RYR3: variants seen among roughly 807,000 people sequenced by gnomAD.
The protein encoded by RYR3 is brain ryanodine receptor-calcium release channel.
Under a neutral mutation model 584.3 loss-of-function variants are expected in RYR3, and 207 were observed. The ratio of observed to expected loss-of-function variants is 0.35; its 90% CI spans 0.32 to 0.40. The LOEUF is 0.40. Ranked by LOEUF, RYR3 falls within the 10% of genes least tolerant of loss-of-function variation. RYR3 has a pLI of 1.00. For synonymous variants in RYR3, 2,416 were observed against 2,248.5 expected (o/e 1.07, Z -2.11); for missense variants, 5,616 against 6,089.2 (o/e 0.92, Z 2.59).
At chr15:33,654,643 T>A (rs890989412) in intron 32 of RYR3, among the ~76,000 whole-genome samples, 48 of 152,074 alleles carry the variant, frequency 3.2e-4, no homozygotes, top group African/African-American at 1.1e-3. Flanking sequence ...ATAGGGCTCT[T>A]ATGGTTATTG....
rs1596205665 is a variant in RYR3, at chr15:33,696,450, G to C, written c.6093G>C (p.Arg2031Ser). 6.2e-7 allele frequency: 1 copy of C among 1,614,006 alleles called. No individual in the cohort carries two copies. The change falls in exon 39 of 104, where the codon AGG becomes AGC. Residue 2031 changes from arginine to serine, a missense_variant. Arg to Ser is a moderately radical substitution (Grantham distance 110). Transcript: ENST00000634891. ...AAATCCGCTCCCTCCTCAGTGTCAG[G>C]ATGGGCAAGGAAGAGGAGTTGCTCA... Reference protein sequence around the residue: ...LGQIRSLLSVRMGKEEELLMI... With the variant: ...LGQIRSLLSVSMGKEEELLMI...
At chr15:33,735,631 C>T (rs543880033) in intron 48 of RYR3, among the ~76,000 whole-genome samples, 1 of 152,192 alleles carries the variant, frequency 6.6e-6, no homozygotes, top group Admixed American at 6.5e-5. Flanking sequence ...TCTCTCCTTT[C>T]TCTACCTCAA....
At chr15:33,660,152 A>G (rs1238799315) in intron 33 of RYR3, 45 bp from the exon 34 acceptor site, 2 of 1,366,360 alleles carry the variant, frequency 1.5e-6, no homozygotes, top group Admixed American at 4.0e-5. Context: ...TGCGTCATCC[A>G]GCAACTGTGT....
chr15:33,613,765 C>G (rs1030749582), intron 19 of RYR3, among the ~76,000 whole-genome samples: 2 of 152,160 alleles, frequency 1.3e-5, no homozygotes, highest in Non-Finnish European at 2.9e-5. Context: ...TTTTTCAAGT[C>G]CTTTCTTCTA....
At chr15:33,781,860 G>C (rs1390073092) in intron 65 of RYR3, among the ~76,000 whole-genome samples, 7 of 124,760 alleles carry the variant, frequency 5.6e-5, no homozygotes, top group Non-Finnish European at 9.9e-5. Flanking sequence ...AAAAAAAAAA[G>C]GGGGGGGGGA....
chr15:33,798,677 T>C (rs1420169323), intron 67 of RYR3, among the ~76,000 whole-genome samples: 1 of 152,196 alleles, frequency 6.6e-6, no homozygotes, highest in African/African-American at 2.4e-5. Context: ...CAGGGCATAG[T>C]TCCACCCTGA....
At chr15:33,339,215 T>G (rs551674269) in intron 1 of RYR3, among the ~76,000 whole-genome samples, 1 of 152,340 alleles carries the variant, frequency 6.6e-6, no homozygotes, top group South Asian at 2.1e-4. Context: ...TGGAGAGGTG[T>G]GGCTGCTACT....
At chr15:33,348,604 T>A (rs546498206) in intron 1 of RYR3, among the ~76,000 whole-genome samples, 1 of 152,258 alleles carries the variant, frequency 6.6e-6, no homozygotes, top group East Asian at 1.9e-4. Flanking sequence ...GCTTCCTGAG[T>A]AGCTGGGACT....
intron 85 of RYR3, among the ~76,000 whole-genome samples, chr15:33,829,077 A>G (rs915928004): frequency 6.6e-6 from 1 of 152,140 alleles, no homozygotes; most frequent in African/African-American, 2.4e-5. Flanking sequence ...TACTCTGCCC[A>G]TGCTCTATGT....
chr15:33,351,531 T>C (rs1973254690), intron 1 of RYR3, among the ~76,000 whole-genome samples: 1 of 151,064 alleles, frequency 6.6e-6, no homozygotes, highest in Non-Finnish European at 1.5e-5. Context: ...GCAAACCGAA[T>C]CCAGCAGCAC....
At chr15:33,378,756 G>C (rs912983122) in intron 1 of RYR3, among the ~76,000 whole-genome samples, 8 of 152,206 alleles carry the variant, frequency 5.3e-5, no homozygotes, top group Middle Eastern at 3.2e-3. Flanking sequence ...TTGAGGCCAG[G>C]AGTTCAAGAC....
rs188697264 is a variant in RYR3, at chr15:33,387,228, C to A, written c.51+76132C>A. On this transcript the variant is annotated intron_variant, in intron 1 of 103. Transcript: ENST00000634891. ...TACTATGTTTTGTTTATTCACTAAT[C>A]CACTGATGGACAATTGGGTTGCTTC... 1.6e-3 allele frequency among the ~76,000 whole-genome samples: 243 copies of A among 152,242 alleles called. 1 individual carries two copies. Among genetic ancestry groups the A allele is most frequent in the African/African-American group, 5.4e-3 (226 of 41,546 alleles).
At chr15:33,503,823 T>C (rs1358944533) in intron 3 of RYR3, 85 bp downstream of exon 3, 2 of 787,758 alleles carry the variant, frequency 2.5e-6, no homozygotes, top group Non-Finnish European at 4.3e-6. Flanking sequence ...AACTTTGAAC[T>C]GAAAAATTTT....
At chr15:33,725,976 C>CCGCCCAAA (rs1555427643) in intron 45 of RYR3, among the ~76,000 whole-genome samples, 1 of 31,516 alleles carries the variant, frequency 3.2e-5, no homozygotes, top group Non-Finnish European at 5.9e-5. Flanking sequence ...TCCCCCCCCC[C>CCGCCCAAA]AAAAAAAAAA....
chr15:33,863,130 T>C (rs1467777097), intron 102 of RYR3, among the ~76,000 whole-genome samples: 3 of 152,110 alleles, frequency 2.0e-5, no homozygotes, highest in Non-Finnish European at 2.9e-5. Flanking sequence ...ACTGGTCTCT[T>C]TCCTATCTCT....
At chr15:33,471,186 G>T (rs2048893247) in intron 1 of RYR3, among the ~76,000 whole-genome samples, 1 of 152,172 alleles carries the variant, frequency 6.6e-6, no homozygotes, top group South Asian at 2.1e-4. Flanking sequence ...CACTCCAGGT[G>T]GTGTCTGCAG....
intron 1 of RYR3, among the ~76,000 whole-genome samples, chr15:33,411,455 G>A (rs1375125947): frequency 1.3e-5 from 2 of 152,172 alleles, no homozygotes; most frequent in African/African-American, 4.8e-5. Context: ...AGGAATTTCT[G>A]TGGCCACATG....
At chr15:33,409,334 G>A (rs2043235329) in intron 1 of RYR3, among the ~76,000 whole-genome samples, 1 of 140,852 alleles carries the variant, frequency 7.1e-6, no homozygotes, top group African/African-American at 2.7e-5. Context: ...ATAAACTTGA[G>A]TTTCAAAAAA....
At chr15:33,353,452 G>C (rs1405816338) in intron 1 of RYR3, among the ~76,000 whole-genome samples, 1 of 152,148 alleles carries the variant, frequency 6.6e-6, no homozygotes, top group Non-Finnish European at 1.5e-5. Context: ...TTGGGGAGAA[G>C]GCATCAGATT....
Sources: allele counts gnomAD v4.1 joint callset (sites outside exome capture counted in the v4.1 genomes callset), GRCh38; gene constraint gnomAD v4.1.1; transcripts MANE v1.5; gene names NCBI Gene and HGNC (gene_info 2026-07-23, HGNC 2026-07-21).